Variants in RIF1 observed in about 807,000 individuals in gnomAD.
The protein encoded by RIF1 is telomere-associated protein RIF1.
RIF1 carries 45 observed loss-of-function variants against 247.1 expected under a neutral mutation model. The observed-to-expected ratio is 0.18, with a 90% CI of 0.14 to 0.23. The LOEUF (loss-of-function observed/expected upper bound fraction) is 0.23. Among genes scored for constraint, RIF1 ranks in the 10% least tolerant of loss-of-function variants. The probability of loss-of-function intolerance (pLI) is 1.00; values close to 1 mark genes in which losing one functional copy is unlikely to be tolerated. For missense variants in RIF1, 2,967 were observed against 2,862.5 expected (o/e 1.04, Z -0.83); for synonymous variants, 1,087 against 978.8 (o/e 1.11, Z -2.06).
At position 151,416,713 on chromosome 2, in the gene RIF1, A is replaced by G. The variant is rs766933943; in HGVS notation, c.408+25A>G. On this transcript the variant is annotated intron_variant, in intron 5 of 35. Coordinates refer to ENST00000444746, the MANE Select transcript of RIF1 (RefSeq NM_018151.5). ...GGTGAGTATAGTTTTTGGGTATGCCATCTTAACTATATGCCAATTAAAAGA... is the reference window on the plus strand; with the variant it reads ...GGTGAGTATAGTTTTTGGGTATGCCGTCTTAACTATATGCCAATTAAAAGA... 11 of 1,609,418 alleles carry G rather than the reference A, an allele frequency of 6.8e-6. No individual in the cohort carries two copies. The East Asian group carries it at 1.3e-4, about 20-fold the overall frequency.
At chr2:151,427,452 T>A (rs1366845337) in intron 8 of RIF1, among the ~76,000 whole-genome samples, 1 of 151,282 alleles carries the variant, frequency 6.6e-6, no homozygotes, top group Admixed American at 6.6e-5. Flanking sequence ...CTTAGGTGAT[T>A]CGCCTGCCTT....
chr2:151,411,080 C>T (rs1401461696), intron 2 of RIF1, among the ~76,000 whole-genome samples, 180 bp from the exon 3 acceptor site: 2 of 152,162 alleles, frequency 1.3e-5, no homozygotes, highest in Admixed American at 1.3e-4. Context: ...GGTTTTTCTA[C>T]TTTCATTTCT....
downstream of RIF1, among the ~76,000 whole-genome samples, chr2:151,509,462 T>C (rs1051202227): frequency 2.0e-5 from 3 of 152,146 alleles, no homozygotes; most frequent in Non-Finnish European, 4.4e-5. Flanking sequence ...GCTAATCCCT[T>C]AGAGGGATAA....
chr2:151,441,908 C>A lies in RIF1; in HGVS notation c.1651C>A (p.Leu551Ile). 1 of 1,508,028 alleles carries A rather than the reference C, an allele frequency of 6.6e-7. No homozygotes were observed. Among genetic ancestry groups the A allele is most frequent in the Non-Finnish European group, 9.1e-7 (1 of 1,099,144 alleles). 93.4% of individuals were successfully genotyped at this position (1,508,028 alleles called of 1,614,324 possible). Residue 551 changes from leucine (L) to isoleucine (I), a missense_variant, in exon 16 of 36, where the codon CTC (leucine) becomes ATC (isoleucine). Leu to Ile is a conservative substitution (Grantham distance 5). Transcript: ENST00000444746. ...TAAAACCTTTTATCTCTCATAGGTCCTCATGGAAATTACAATTAAAGGACT... is the reference window on the plus strand; with the variant it reads ...TAAAACCTTTTATCTCTCATAGGTCATCATGGAAATTACAATTAAAGGACT... ...EVFPVSKTLV[L>I]MEITIKGLPQ... is the part of the protein sequence containing the mutation.
Position 151,494,270 on chromosome 2 carries a change from G to A in RIF1, c.*416-959G>A, listed in dbSNP as rs890503491. 6 of 1,527,344 alleles carry A rather than the reference G, an allele frequency of 3.9e-6. No homozygotes were observed. The African/African-American group carries it at 4.1e-5, about 11-fold the overall frequency. The allele number at this position is 1,527,344 out of a possible 1,614,324, so 94.6% of individuals were successfully genotyped here. Reference sequence around the variant, plus strand: ...GTACAAAACCTATGGGAATCCAATGGGTCCAAAAAGCCAAAAAGAAAAAGA... The same window carrying A: ...GTACAAAACCTATGGGAATCCAATGAGTCCAAAAAGCCAAAAAGAAAAAGA... On this transcript the variant is annotated intron_variant and NMD_transcript_variant, in intron 9 of 13. Transcript: ENST00000454583.
the RIF1 span, chr2:151,525,348 A>T: frequency 9.2e-7 from 1 of 1,081,942 alleles, no homozygotes; most frequent in Non-Finnish European, 1.4e-6. Flanking sequence ...GAACTGTGAA[A>T]TCTCCAGGAA....
the RIF1 span, among the ~76,000 whole-genome samples, chr2:151,521,398 T>A: frequency 2.4e-4 from 37 of 152,210 alleles, no homozygotes; most frequent in African/African-American, 7.5e-4. Flanking sequence ...TGAAAAAGTT[T>A]CACTCTCAAC....
chr2:151,463,967 A>G lies in RIF1; in HGVS notation c.4447A>G (p.Ser1483Gly). 1.9e-6 allele frequency: 3 copies of G among 1,608,936 alleles called. No homozygotes were observed. Among genetic ancestry groups the G allele is most frequent in the Non-Finnish European group, 2.5e-6 (3 of 1,178,776 alleles). The change falls in exon 30 of 36, where the codon AGT becomes GGT. Residue 1483 changes from serine (S) to glycine (G), a missense_variant. Physicochemically the swap from Ser to Gly is moderately conservative, Grantham distance 56. Coordinates refer to ENST00000444746, the MANE Select transcript of RIF1 (RefSeq NM_018151.5). ...TLQENLIEKG[S>G]NLHEKTLGET... ...ACAGGAGAATTTAATTGAGAAAGGA[A>G]GTAATTTACATGAGAAGACTCTTGG...
intron 9 of RIF1, chr2:151,492,317 T>C (rs1470537734): frequency 1.1e-5 from 17 of 1,600,852 alleles, no homozygotes; most frequent in Admixed American, 6.8e-5. Context: ...GAAAATATGA[T>C]GGTGTGACTA....
chr2:151,456,574 C>T lies in RIF1; in HGVS notation c.2610-4C>T. ...TAAATGGTATTCTATTTTATCCTTC[C>T]TAGGCTTGATGAAGTTCCTAAAGTA... On this transcript the variant is annotated splice_region_variant and splice_polypyrimidine_tract_variant and intron_variant, in intron 22 of 35. Coordinates refer to ENST00000444746, the MANE Select transcript of RIF1 (RefSeq NM_018151.5). 6.7e-7 allele frequency: 1 copy of T among 1,499,878 alleles called. No homozygotes were observed. The highest frequency in any genetic ancestry group is 9.2e-7 in the Non-Finnish European group (1 of 1,085,342). 92.9% of individuals were successfully genotyped at this position (1,499,878 alleles called of 1,614,324 possible). A position where few individuals can be genotyped will look rare whatever the true frequency, so the allele number is the denominator to read the frequency against.
chr2:151,426,099 T>C (rs1357775174), intron 8 of RIF1, among the ~76,000 whole-genome samples: 1 of 151,882 alleles, frequency 6.6e-6, no homozygotes, highest in Admixed American at 6.6e-5. Flanking sequence ...TTAATTACTA[T>C]AGCTTTATGC....
In RIF1 at chr2:151,480,863, A is replaced by G. The variant is rs987050810; in HGVS notation, c.*5792A>G. On this transcript the variant is annotated 3_prime_UTR_variant, in exon 36 of 36. Coordinates refer to ENST00000444746, the MANE Select transcript of RIF1 (RefSeq NM_018151.5). ...CTGAAGGATGGCAGTCTTAACTCCT[A>G]AGTTTTTTACAGAGCACAGATTGGT... 1 of 152,198 alleles carries G rather than the reference A, an allele frequency of 6.6e-6. No individual in the cohort carries two copies. Among genetic ancestry groups the G allele is most frequent in the African/African-American group, 2.4e-5 (1 of 41,442 alleles). 9.4% of individuals were successfully genotyped at this position (152,198 alleles called of 1,614,324 possible).
intron 10 of RIF1, 45 bp from the exon 11 acceptor site, chr2:151,435,418 G>C: frequency 5.7e-6 from 6 of 1,049,710 alleles, no homozygotes; most frequent in Non-Finnish European, 8.8e-6. Context: ...TAAAAACTGT[G>C]ACAGTTGTAT....
At chr2:151,524,414 A>C in the RIF1 span, 2 of 1,613,822 alleles carry the variant, frequency 1.2e-6, no homozygotes, top group East Asian at 2.2e-5. Context: ...TCTGTACTCC[A>C]CCTGAATCAG....
the RIF1 span, among the ~76,000 whole-genome samples, chr2:151,528,271 G>A: frequency 2.4e-4 from 36 of 152,146 alleles, no homozygotes; most frequent in Admixed American, 1.2e-3. Flanking sequence ...GGAGGAGCCT[G>A]CACTATTAGG....
chr2:151,442,244 T>G (rs1179752008), intron 16 of RIF1, among the ~76,000 whole-genome samples: 3 of 151,508 alleles, frequency 2.0e-5, no homozygotes, highest in Admixed American at 6.6e-5. Context: ...CCCGGCTAAT[T>G]TTGTATTTTT....
intron 9 of RIF1, among the ~76,000 whole-genome samples, chr2:151,488,304 T>C (rs1574412284): frequency 1.3e-5 from 2 of 152,144 alleles, no homozygotes; most frequent in East Asian, 3.9e-4. Context: ...CAGACTTTTA[T>C]ACTTCTAGAT....
intron 10 of RIF1, 103 bp downstream of exon 10, chr2:151,433,331 AGACTAGAACATAT>A: frequency 5.1e-6 from 4 of 784,536 alleles, no homozygotes; most frequent in Non-Finnish European, 7.9e-6. Flanking sequence ...ATTTATTAGC[AGACTAGAACATAT>A]AAAAGGTCTT....
At position 151,464,312 on chromosome 2, in the gene RIF1, G is replaced by A; in HGVS notation, c.4792G>A (p.Glu1598Lys). Residue 1598 changes from glutamate (E) to lysine (K), a missense_variant, in exon 30 of 36, where the codon GAA becomes AAA. This residue lies in a region of RIF1 where 2,028 missense variants were observed against 1,825.6 expected (regional missense o/e 1.11). Transcript: ENST00000444746. ...GGTGAAACAGGAATGTATAAAAGCT[G>A]AAAATCAGTCACATGATTATAAAGC... ...KVVKQECIKA[E>K]NQSHDYKATS... is the part of the protein sequence containing the mutation. 1 of 1,611,856 alleles carries A rather than the reference G, an allele frequency of 6.2e-7. No individual in the cohort carries two copies. The highest frequency in any genetic ancestry group is 1.3e-5 in the African/African-American group (1 of 74,814).
Sources: gnomAD v4.1 joint callset for allele counts (sites outside exome capture counted in the v4.1 genomes callset) on GRCh38, gnomAD v4.1.1 for gene constraint, gnomAD v4.1.1 regional missense constraint, MANE v1.5 for transcripts, NCBI Gene and HGNC (gene_info 2026-07-23, HGNC 2026-07-21) for gene names.